CADPS2: variants seen among roughly 807,000 people sequenced by gnomAD.
The protein encoded by CADPS2 is calcium-dependent secretion activator 2.
In CADPS2, 93 loss-of-function variants were observed where a neutral mutation model predicts 172.5. The ratio of observed to expected loss-of-function variants is 0.54; its 90% CI spans 0.46 to 0.64. CADPS2 has a LOEUF of 0.64. Among genes scored for constraint, CADPS2 ranks in the 30% least tolerant of loss-of-function variants. The pLI, the probability that CADPS2 is intolerant of heterozygous loss-of-function variation, is 0.00. For synonymous variants in CADPS2, 546 were observed against 555.2 expected (o/e 0.98, Z 0.23); for missense variants, 1,420 against 1,565.9 (o/e 0.91, Z 1.57).
chr7:122,800,314 CAT>C (rs1480670114), intron 1 of CADPS2, among the ~76,000 whole-genome samples: 1 of 152,104 alleles, frequency 6.6e-6, no homozygotes, highest in East Asian at 1.9e-4. Flanking sequence ...ATAAAAAGCA[CAT>C]AGAGGTTCAA....
At chr7:122,818,657 T>C (rs919353544) in intron 1 of CADPS2, among the ~76,000 whole-genome samples, 1 of 152,128 alleles carries the variant, frequency 6.6e-6, no homozygotes, top group African/African-American at 2.4e-5. Context: ...CTCCACCCTA[T>C]AATCTTTTTA....
intron 12 of CADPS2, chr7:122,479,988 T>C (rs1200271229): frequency 1.5e-5 from 6 of 390,628 alleles, no homozygotes; most frequent in Non-Finnish European, 2.7e-5. Context: ...TTATGTTACA[T>C]ATATAACTGA....
At chr7:122,818,510 C>A (rs1802177286) in intron 1 of CADPS2, among the ~76,000 whole-genome samples, 1 of 152,116 alleles carries the variant, frequency 6.6e-6, no homozygotes, top group Non-Finnish European at 1.5e-5. Context: ...TCCCGCCTGT[C>A]CCCTCAGTAC....
At chr7:122,714,850 T>C (rs1265216706) in intron 2 of CADPS2, among the ~76,000 whole-genome samples, 2 of 152,184 alleles carry the variant, frequency 1.3e-5, no homozygotes, top group African/African-American at 4.8e-5. Flanking sequence ...GCACTCTGTC[T>C]TATCTCATTT....
At chr7:122,637,171 C>CTTTTTTTTTTTTTTTTTT (rs71161313) in intron 3 of CADPS2, among the ~76,000 whole-genome samples, 1 of 53,900 alleles carries the variant, frequency 1.9e-5, no homozygotes, top group Non-Finnish European at 3.7e-5. Context: ...TGAAATTTTG[C>CTTTTTTTTTTTTTTTTTT]TTTTTTTTTT....
At position 122,393,197 on chromosome 7, in the gene CADPS2, T is replaced by C. The variant is rs762429308; in HGVS notation, c.3007A>G (p.Thr1003Ala). 1.2e-6 allele frequency: 2 copies of C among 1,613,260 alleles called. No homozygotes were observed. Among genetic ancestry groups the C allele is most frequent in the Non-Finnish European group, 1.7e-6 (2 of 1,179,644 alleles). Residue 1003 changes from threonine to alanine, a missense_variant and splice_region_variant, in exon 22 of 30, where the codon ACC becomes GCC. Coordinates refer to ENST00000449022, the MANE Select transcript of CADPS2 (RefSeq NM_017954.11). ...AGGAAATAAGTGAGGAATACACACGTGGACTCATATAAAGAAGGCATCCAC... is the reference window on the plus strand; with the variant it reads ...AGGAAATAAGTGAGGAATACACACGCGGACTCATATAAAGAAGGCATCCAC... ...ASWMPSLYESTNGSATSEDLF... is the reference protein window; with the variant it reads ...ASWMPSLYESANGSATSEDLF...
intron 6 of CADPS2, among the ~76,000 whole-genome samples, chr7:122,581,600 A>G (rs1313760472): frequency 5.3e-5 from 8 of 152,190 alleles, no homozygotes; most frequent in Admixed American, 5.2e-4. Context: ...TATTAATTCA[A>G]ATGTAAATTA....
chr7:122,658,769 G>T (rs1220456303), intron 3 of CADPS2, among the ~76,000 whole-genome samples: 2 of 152,058 alleles, frequency 1.3e-5, no homozygotes, highest in Admixed American at 6.6e-5. Context: ...AGCATTAGGA[G>T]ATATACCTAA....
chr7:122,816,905 T>C (rs1242541754), intron 1 of CADPS2, among the ~76,000 whole-genome samples: 1 of 151,742 alleles, frequency 6.6e-6, no homozygotes, highest in Non-Finnish European at 1.5e-5. Context: ...CCTTAAATGA[T>C]GGCATTACCT....
At chr7:122,569,367 C>G (rs941187010) in intron 7 of CADPS2, among the ~76,000 whole-genome samples, 9 of 151,718 alleles carry the variant, frequency 5.9e-5, no homozygotes, top group African/African-American at 2.2e-4. Flanking sequence ...AACCACTGCT[C>G]AAGGAAATAA....
At chr7:122,508,529 A>G (rs1015433406) in intron 9 of CADPS2, among the ~76,000 whole-genome samples, 3 of 136,540 alleles carry the variant, frequency 2.2e-5, no homozygotes, top group African/African-American at 8.4e-5. Flanking sequence ...CAGTGGTGCA[A>G]TCATGGCCTA....
rs868490909 is a variant in CADPS2, at chr7:122,868,792, T to C, written c.339+17207A>G. Among the ~76,000 whole-genome samples the C allele has an allele frequency of 2.0e-5, 3 of 152,178 alleles. No individual in the cohort carries two copies. The South Asian group carries it at 6.2e-4, about 31-fold the overall frequency. On this transcript the variant is annotated intron_variant, in intron 1 of 29. Transcript: ENST00000449022. ...GAATTCAAAAGGACAGTAATAAAGA[T>C]GCTCGCTAAAGTAAGGAGAACAATA...
At chr7:122,420,366 A>C (rs2048402369) in intron 17 of CADPS2, among the ~76,000 whole-genome samples, 1 of 152,236 alleles carries the variant, frequency 6.6e-6, no homozygotes, top group Non-Finnish European at 1.5e-5. Flanking sequence ...ATTTAAAAAC[A>C]TTCTAAAACA....
intron 9 of CADPS2, among the ~76,000 whole-genome samples, chr7:122,495,231 T>C (rs1255369364): frequency 6.6e-6 from 1 of 152,138 alleles, no homozygotes. Flanking sequence ...GAGATACATA[T>C]GCTTTAAAGT....
chr7:122,576,710 T>A (rs992313834), intron 7 of CADPS2, among the ~76,000 whole-genome samples: 8 of 152,004 alleles, frequency 5.3e-5, no homozygotes, highest in African/African-American at 1.9e-4. Flanking sequence ...TGGAGGTAAC[T>A]GGATCACCGG....
chr7:122,645,391 G>GTATATA (rs1435451978), intron 3 of CADPS2, among the ~76,000 whole-genome samples: 7,060 of 63,378 alleles, frequency 0.11, 695 homozygotes, highest in Admixed American at 0.2. Context: ...GTACATGTGT[G>GTATATA]TGTATATATG....
intron 2 of CADPS2, among the ~76,000 whole-genome samples, chr7:122,696,205 T>C (rs1051821961): frequency 4.6e-5 from 7 of 152,172 alleles, no homozygotes; most frequent in Admixed American, 2.6e-4. Flanking sequence ...ACAGCTGTCA[T>C]GGGGTCCTCA....
At chr7:122,561,707 A>C (rs1334294389) in intron 7 of CADPS2, among the ~76,000 whole-genome samples, 1 of 152,046 alleles carries the variant, frequency 6.6e-6, no homozygotes, top group African/African-American at 2.4e-5. Context: ...CCAGTTTTTT[A>C]TTGAAATTAC....
chr7:122,321,581 C>G (rs887641967), intron 29 of CADPS2, among the ~76,000 whole-genome samples: 5 of 152,160 alleles, frequency 3.3e-5, no homozygotes, highest in African/African-American at 4.8e-5. Context: ...CTTCGCCTCC[C>G]CAGTTCAAGT....
Sources: allele counts gnomAD v4.1 joint callset (sites outside exome capture counted in the v4.1 genomes callset), GRCh38; gene constraint gnomAD v4.1.1; transcripts MANE v1.5; gene names NCBI Gene and HGNC (gene_info 2026-07-23, HGNC 2026-07-21).